The following ROBO2 variants were observed in gnomAD, a reference collection of about 807,000 sequenced individuals.
The protein encoded by ROBO2 is roundabout homolog 2.
ROBO2 carries 53 observed loss-of-function variants against 160.8 expected under a neutral mutation model. The observed-to-expected ratio is 0.33, with a 90% CI of 0.26 to 0.41. The LOEUF is 0.41. ROBO2 is among the 10% of genes least tolerant of loss of function. The pLI, the probability that ROBO2 is intolerant of heterozygous loss-of-function variation, is 1.00. For synonymous variants in ROBO2, 664 were observed against 611.7 expected, an observed-to-expected ratio of 1.09 and a Z score of -1.26; for missense variants, 1,577 against 1,722.4, an observed-to-expected ratio of 0.92 and a Z score of 1.49.
At chr3:77,117,903 C>T (rs991776254) in intron 2 of ROBO2, among the ~76,000 whole-genome samples, 2 of 152,148 alleles carry the variant, frequency 1.3e-5, no homozygotes, top group African/African-American at 4.8e-5. Flanking sequence ...TGCATTTTCA[C>T]ACATTCTCTT....
intron 2 of ROBO2, among the ~76,000 whole-genome samples, chr3:76,709,313 A>G (rs1418815583): frequency 6.6e-6 from 1 of 152,160 alleles, no homozygotes; most frequent in Non-Finnish European, 1.5e-5. Flanking sequence ...CAGATTTAGT[A>G]TCTCCATGTT....
chr3:76,288,921 G>A (rs755297422), intron 2 of ROBO2, among the ~76,000 whole-genome samples: 44 of 152,040 alleles, frequency 2.9e-4, no homozygotes, highest in Non-Finnish European at 2.1e-4. Flanking sequence ...GTTCATCCAT[G>A]TCTTTGCTAT....
intron 2 of ROBO2, among the ~76,000 whole-genome samples, chr3:76,625,652 G>A (rs899666067): frequency 1.4e-4 from 22 of 152,138 alleles, no homozygotes; most frequent in African/African-American, 5.1e-4. Flanking sequence ...GATATTCCTG[G>A]CAGAGCAAAA....
chr3:76,839,754 T>G (rs1378103038), intron 2 of ROBO2, among the ~76,000 whole-genome samples: 1 of 152,250 alleles, frequency 6.6e-6, no homozygotes, highest in Non-Finnish European at 1.5e-5. Flanking sequence ...TTAGCTCTTC[T>G]TTAAACATTT....
At chr3:76,162,170 T>C (rs1391952613) in intron 2 of ROBO2, among the ~76,000 whole-genome samples, 1 of 152,172 alleles carries the variant, frequency 6.6e-6, no homozygotes, top group East Asian at 1.9e-4. Flanking sequence ...GTATCAGGCA[T>C]TGTGCTGGAC....
At chr3:77,584,888 ATGTATG>A in intron 16 of ROBO2, among the ~76,000 whole-genome samples, 1 of 85,612 alleles carries the variant, frequency 1.2e-5, no homozygotes, top group Non-Finnish European at 2.3e-5. Context: ...TTATATATAT[ATGTATG>A]TGTGTGTGTG....
chr3:76,924,984 G>A lies in ROBO2; in HGVS notation c.110-173030G>A, dbSNP rs181028973. 5.6e-3 allele frequency among the ~76,000 whole-genome samples: 848 copies of A among 151,990 alleles called. 8 individuals carry two copies. The highest frequency in any genetic ancestry group is 0.019 in the African/African-American group (777 of 41,476). On this transcript the variant is annotated intron_variant, in intron 2 of 26. Transcript: ENST00000487694. ...AGCACTTTGGGAGGCCGAGGCGGGC[G>A]GATCACGAGGTCAGGAGATCGAGAC...
chr3:77,211,957 A>G (rs1310888739), intron 2 of ROBO2, among the ~76,000 whole-genome samples: 1 of 152,170 alleles, frequency 6.6e-6, no homozygotes, highest in Non-Finnish European at 1.5e-5. Context: ...TACCAGTACC[A>G]TGCTGTTTTG....
chr3:76,218,332 G>A (rs1036647735), intron 2 of ROBO2, among the ~76,000 whole-genome samples: 5 of 152,146 alleles, frequency 3.3e-5, no homozygotes, highest in Non-Finnish European at 7.3e-5. Context: ...GCAGGAGAAG[G>A]AAATAAAGGG....
rs144916013 is a variant in ROBO2 at position 76,104,609 on chromosome 3, A to C, written c.109+167007A>C. 5.4e-3 allele frequency among the ~76,000 whole-genome samples: 821 copies of C among 152,230 alleles called. 10 individuals carry two copies. Among genetic ancestry groups the C allele is most frequent in the African/African-American group, 0.019 (794 of 41,512 alleles). ...ATCAACATCTTTCATGCTTAAAATA[A>C]TCATCTTAGCAAGTAGGCTACTAAA... On this transcript the variant is annotated intron_variant, in intron 2 of 26. Transcript: ENST00000487694.
intron 2 of ROBO2, among the ~76,000 whole-genome samples, chr3:76,622,265 A>AGAAAGAAG (rs2089242823): frequency 9.1e-5 from 6 of 66,266 alleles, no homozygotes; most frequent in African/African-American, 1.2e-4. Context: ...AAAGAAAGAA[A>AGAAAGAAG]GAAAGAAAGA....
chr3:77,297,684 C>T (rs2062271550), intron 2 of ROBO2, among the ~76,000 whole-genome samples: 1 of 152,120 alleles, frequency 6.6e-6, no homozygotes, highest in Non-Finnish European at 1.5e-5. Context: ...TGATTATTTC[C>T]CCACAGTTGT....
chr3:76,726,150 C>G (rs1419276091), intron 2 of ROBO2, among the ~76,000 whole-genome samples: 1 of 152,034 alleles, frequency 6.6e-6, no homozygotes, highest in Non-Finnish European at 1.5e-5. Flanking sequence ...CTTCTTTTTG[C>G]TTTTTCTGTC....
chr3:77,028,656 T>C (rs1438443745), intron 2 of ROBO2, among the ~76,000 whole-genome samples: 2 of 152,034 alleles, frequency 1.3e-5, no homozygotes, highest in Non-Finnish European at 2.9e-5. Flanking sequence ...GGAGACGGGG[T>C]TGCAGTGAGC....
chr3:77,241,003 T>G (rs997630232), intron 2 of ROBO2, among the ~76,000 whole-genome samples: 3 of 152,220 alleles, frequency 2.0e-5, no homozygotes, highest in Non-Finnish European at 4.4e-5. Context: ...TAGCCAAAGG[T>G]CAGGGATGAT....
intron 2 of ROBO2, among the ~76,000 whole-genome samples, chr3:76,497,150 A>G (rs141724025): frequency 6.6e-6 from 1 of 152,194 alleles, no homozygotes; most frequent in Non-Finnish European, 1.5e-5. Context: ...CTTTGCACGT[A>G]TACTTTTCTT....
Position 77,105,483 on chromosome 3 carries a change from A to G in ROBO2, c.388+7143A>G, listed in dbSNP as rs140378001. The stretch of plus-strand genomic sequence containing the variant: ...TCCCTAGCTCCAGGTACTTCACAGG[A>G]TAATGCTAATATGTTATTTTGGCTG... On this transcript the variant is annotated intron_variant, in intron 2 of 25. Transcript: ENST00000461745. Among the ~76,000 whole-genome samples, 415 of 152,266 alleles carry G rather than the reference A, an allele frequency of 2.7e-3. 2 individuals carry two copies. Among genetic ancestry groups the G allele is most frequent in the African/African-American group, 9.7e-3 (402 of 41,536 alleles).
intron 2 of ROBO2, among the ~76,000 whole-genome samples, chr3:76,583,211 T>A (rs912252348): frequency 2.6e-5 from 4 of 152,160 alleles, no homozygotes; most frequent in Non-Finnish European, 5.9e-5. Context: ...GACTGTAATG[T>A]TTTAACTATG....
At chr3:75,964,134 C>T (rs559573666) in intron 2 of ROBO2, among the ~76,000 whole-genome samples, 1 of 151,702 alleles carries the variant, frequency 6.6e-6, no homozygotes, top group African/African-American at 2.4e-5. Flanking sequence ...TTTTTTTCCT[C>T]AGTAGGTGTA....
Sources: allele counts gnomAD v4.1 joint callset (sites outside exome capture counted in the v4.1 genomes callset), GRCh38; gene constraint gnomAD v4.1.1; transcripts MANE v1.5; gene names NCBI Gene and HGNC (gene_info 2026-07-23, HGNC 2026-07-21).